ZNF804A: variants seen among roughly 807,000 people sequenced by gnomAD.
ZNF804A encodes the protein zinc finger protein 804A.
ZNF804A carries 2 observed loss-of-function variants against 16.5 expected under a neutral mutation model. That is an observed-to-expected ratio of 0.12 (90% CI 0.05 to 0.38). The LOEUF (loss-of-function observed/expected upper bound fraction) is 0.38, where lower values mean the gene tolerates loss of function less well. ZNF804A is among the 10% of genes least tolerant of loss of function. The pLI is 0.99. For synonymous variants in ZNF804A, 534 were observed against 489.6 expected, an observed-to-expected ratio of 1.09 and a Z score of -1.20; for missense variants, 1,473 against 1,390.7, an observed-to-expected ratio of 1.06 and a Z score of -0.94.
At chr2:184,646,957 G>C (rs1193054276) in intron 1 of ZNF804A, among the ~76,000 whole-genome samples, 1 of 152,170 alleles carries the variant, frequency 6.6e-6, no homozygotes, top group Admixed American at 6.5e-5. Flanking sequence ...CCAAGCATCA[G>C]CCCATTGCCT....
intron 1 of ZNF804A, among the ~76,000 whole-genome samples, chr2:184,686,020 C>T (rs1293509667): frequency 6.6e-6 from 1 of 152,248 alleles, no homozygotes; most frequent in Non-Finnish European, 1.5e-5. Context: ...CAGCACAGCT[C>T]CAAGTGCACG....
intron 1 of ZNF804A, among the ~76,000 whole-genome samples, chr2:184,744,584 C>T (rs942373378): frequency 6.6e-6 from 1 of 151,874 alleles, no homozygotes; most frequent in Non-Finnish European, 1.5e-5. Flanking sequence ...TCTTGATCTT[C>T]CAATACTCCA....
chr2:184,871,558 G>GA (rs749988961), intron 2 of ZNF804A, among the ~76,000 whole-genome samples: 25 of 151,650 alleles, frequency 1.6e-4, no homozygotes, highest in African/African-American at 3.1e-4. Flanking sequence ...GAATTAACAG[G>GA]AAAAAATTAC....
chr2:184,912,259 G>T (rs988252824), intron 2 of ZNF804A, among the ~76,000 whole-genome samples: 30 of 151,960 alleles, frequency 2.0e-4, no homozygotes, highest in Non-Finnish European at 1.2e-4. Flanking sequence ...ATGACCTTTT[G>T]TGTCTGGCTT....
chr2:184,677,930 T>A (rs1692465690), intron 1 of ZNF804A, among the ~76,000 whole-genome samples: 2 of 152,050 alleles, frequency 1.3e-5, no homozygotes, highest in South Asian at 4.1e-4. Flanking sequence ...CAGGCTGTAA[T>A]GTTAAATAAT....
intron 1 of ZNF804A, among the ~76,000 whole-genome samples, chr2:184,683,473 C>T (rs1692574900): frequency 6.6e-6 from 1 of 152,132 alleles, no homozygotes; most frequent in South Asian, 2.1e-4. Flanking sequence ...AGTGTTTTGA[C>T]TTGCTTCCAT....
rs1430166256 is a variant in ZNF804A at position 184,844,555 on chromosome 2, A to T, written c.112-21814A>T. On this transcript the variant is annotated intron_variant, in intron 1 of 3. Transcript: ENST00000302277. ...TCTCTTCTTTCTTGCATGATTTCTG[A>T]TGAGAAGTCTATTGTAATTCTTATC... 4.6e-5 allele frequency among the ~76,000 whole-genome samples: 7 copies of T among 150,946 alleles called. No individual in the cohort carries two copies. The South Asian group carries it at 1.3e-3, about 27-fold the overall frequency.
chr2:184,929,848 T>C (rs1287800599), intron 2 of ZNF804A, among the ~76,000 whole-genome samples: 1 of 152,176 alleles, frequency 6.6e-6, no homozygotes, highest in African/African-American at 2.4e-5. Flanking sequence ...AATATTTGTA[T>C]TCCTCAAAAC....
At chr2:184,732,353 G>C (rs1325200260) in intron 1 of ZNF804A, among the ~76,000 whole-genome samples, 4 of 151,764 alleles carry the variant, frequency 2.6e-5, no homozygotes, top group Non-Finnish European at 5.9e-5. Flanking sequence ...AAAAATTTGT[G>C]TGGGTTTACT....
At chr2:184,831,467 A>G (rs1558975554) in intron 1 of ZNF804A, among the ~76,000 whole-genome samples, 1 of 152,012 alleles carries the variant, frequency 6.6e-6, no homozygotes, top group Non-Finnish European at 1.5e-5. Flanking sequence ...AACATTTCTT[A>G]AATATTGGAA....
chr2:184,884,802 G>A (rs1196231512), intron 2 of ZNF804A, among the ~76,000 whole-genome samples: 1 of 152,146 alleles, frequency 6.6e-6, no homozygotes, highest in Non-Finnish European at 1.5e-5. Flanking sequence ...AAGTTTTCAT[G>A]ATAAAGACCC....
Position 184,915,728 on chromosome 2 carries a change from G to T in ZNF804A, c.256-17875G>T, listed in dbSNP as rs146930108. ...ATTTTGTATACAAAGAGAAACTTGAGTTAATGGAATCTAAAGAACGAGAGG... is the reference window on the plus strand; with the variant it reads ...ATTTTGTATACAAAGAGAAACTTGATTTAATGGAATCTAAAGAACGAGAGG... On this transcript the variant is annotated intron_variant, in intron 2 of 3. Coordinates refer to ENST00000302277, the MANE Select transcript of ZNF804A (RefSeq NM_194250.2). Among the ~76,000 whole-genome samples the T allele has an allele frequency of 3.3e-3, 497 of 152,202 alleles. 2 individuals carry two copies. Among genetic ancestry groups the T allele is most frequent in the African/African-American group, 0.011 (476 of 41,554 alleles).
At chr2:184,675,604 T>A (rs912001912) in intron 1 of ZNF804A, among the ~76,000 whole-genome samples, 6 of 151,840 alleles carry the variant, frequency 4.0e-5, no homozygotes, top group African/African-American at 1.4e-4. Flanking sequence ...CTGGGACTAT[T>A]TTTTATTTCT....
intron 2 of ZNF804A, among the ~76,000 whole-genome samples, chr2:184,882,170 C>T (rs182941613): frequency 6.6e-6 from 1 of 151,978 alleles, no homozygotes; most frequent in East Asian, 1.9e-4. Context: ...GACATTAAAA[C>T]AACAAATATC....
intron 1 of ZNF804A, among the ~76,000 whole-genome samples, chr2:184,703,065 A>C (rs982486479): frequency 2.7e-4 from 41 of 152,270 alleles, no homozygotes; most frequent in African/African-American, 9.1e-4. Flanking sequence ...TTTGATTATA[A>C]GCAATTTAAT....
At chr2:184,935,330 C>T (rs1192703032) in intron 3 of ZNF804A, among the ~76,000 whole-genome samples, 1 of 152,078 alleles carries the variant, frequency 6.6e-6, no homozygotes, top group Non-Finnish European at 1.5e-5. Flanking sequence ...TTGAATTGTT[C>T]AACTGAATTC....
intron 1 of ZNF804A, among the ~76,000 whole-genome samples, chr2:184,697,557 G>A (rs1297945684): frequency 2.0e-5 from 3 of 151,850 alleles, no homozygotes; most frequent in Admixed American, 6.6e-5. Context: ...AATCATCCAC[G>A]GGAGATTACT....
chr2:184,864,144 G>A (rs1416248940), intron 1 of ZNF804A, among the ~76,000 whole-genome samples: 3 of 152,130 alleles, frequency 2.0e-5, no homozygotes, highest in Non-Finnish European at 4.4e-5. Context: ...CAAGAAGTAT[G>A]GTGCTGTCAT....
At position 184,866,527 on chromosome 2, in the gene ZNF804A, T is replaced by C. The variant is rs772605834; in HGVS notation, c.255+15T>C. The C allele has an allele frequency of 3.1e-6, 5 of 1,591,112 alleles. No individual in the cohort carries two copies. The highest frequency in any genetic ancestry group is 4.3e-6 in the Non-Finnish European group (5 of 1,171,998). On this transcript the variant is annotated intron_variant, in intron 2 of 3. Transcript: ENST00000302277. Reference sequence around the variant, plus strand: ...CTCACAAGCAGGTAAGAAAGAGATGTGAAAAAATTCTGGCATTTCTGGACT... The same window carrying C: ...CTCACAAGCAGGTAAGAAAGAGATGCGAAAAAATTCTGGCATTTCTGGACT...
Sources: allele counts gnomAD v4.1 joint callset (sites outside exome capture counted in the v4.1 genomes callset), GRCh38; gene constraint gnomAD v4.1.1; transcripts MANE v1.5; gene names NCBI Gene and HGNC (gene_info 2026-07-23, HGNC 2026-07-21).